SEC14L5: variants seen among roughly 807,000 people sequenced by gnomAD.
The protein encoded by SEC14L5 is SEC14-like protein 5.
A neutral mutation model predicts 84.6 loss-of-function variants in SEC14L5; 96 were observed. The ratio of observed to expected loss-of-function variants is 1.13; its 90% CI spans 0.96 to 1.34. The LOEUF (loss-of-function observed/expected upper bound fraction) is 1.34. SEC14L5 is among the 40% of genes most tolerant of loss of function. SEC14L5 has a pLI of 0.00. For synonymous variants in SEC14L5, 546 were observed against 383.4 expected, an observed-to-expected ratio of 1.42 and a Z score of -4.95; for missense variants, 1,224 against 942.5, an observed-to-expected ratio of 1.30 and a Z score of -3.91.
intron 12 of SEC14L5, 95 bp from the exon 13 acceptor site, chr16:5,007,257 G>A (rs1027931863): frequency 8.5e-7 from 1 of 1,174,484 alleles, no homozygotes; most frequent in Non-Finnish European, 1.2e-6. Flanking sequence ...TTGCAATTAT[G>A]AGTGGCTTTG....
chr16:4,963,678 G>C (rs1955157918), intron 2 of SEC14L5, among the ~76,000 whole-genome samples: 1 of 151,130 alleles, frequency 6.6e-6, no homozygotes, highest in Non-Finnish European at 1.5e-5. Flanking sequence ...TTTTGAGACA[G>C]AGTCTCGCCC....
intron 4 of SEC14L5, 58 bp from the exon 5 acceptor site, chr16:4,990,709 G>A (rs1955542970): frequency 2.6e-6 from 4 of 1,536,870 alleles, no homozygotes; most frequent in South Asian, 2.5e-5. Context: ...AGAGCCCTAG[G>A]GGAGGGCAGG....
intron 15 of SEC14L5, among the ~76,000 whole-genome samples, chr16:5,013,587 T>A (rs1285583026): frequency 1.7e-5 from 2 of 120,806 alleles, no homozygotes; most frequent in Non-Finnish European, 3.4e-5. Flanking sequence ...GAGACAGGGT[T>A]TCACTCTGTC....
Position 4,985,650 on chromosome 16 carries a change from G to A in SEC14L5, c.64-1907G>A, listed in dbSNP as rs565129073. ...AAAAATCAGTTGGTGATAAACGTAA[G>A]GGCTTATTTCTGGATGCTAAATTCT... On this transcript the variant is annotated intron_variant, in intron 2 of 15. Coordinates refer to ENST00000251170, the MANE Select transcript of SEC14L5 (RefSeq NM_014692.2). Among the ~76,000 whole-genome samples, 304 of 152,186 alleles carry A rather than the reference G, an allele frequency of 2.0e-3. 2 individuals carry two copies. Among genetic ancestry groups the A allele is most frequent in the African/African-American group, 6.7e-3 (278 of 41,512 alleles).
intron 2 of SEC14L5, among the ~76,000 whole-genome samples, chr16:4,963,676 C>G (rs1158074138): frequency 2.0e-5 from 3 of 150,982 alleles, no homozygotes; most frequent in Non-Finnish European, 4.4e-5. Context: ...CTTTTTGAGA[C>G]AGAGTCTCGC....
At chr16:4,998,582 C>CAA (rs1457594908) in intron 8 of SEC14L5, among the ~76,000 whole-genome samples, 1 of 149,002 alleles carries the variant, frequency 6.7e-6, no homozygotes, top group Admixed American at 6.7e-5. Flanking sequence ...ACTAAAAATA[C>CAA]AAAAAATTAG....
At chr16:4,975,348 CTGT>C (rs1455464775) in intron 2 of SEC14L5, among the ~76,000 whole-genome samples, 2 of 151,550 alleles carry the variant, frequency 1.3e-5, no homozygotes, top group Non-Finnish European at 2.9e-5. Flanking sequence ...TGGTGGGCGC[CTGT>C]AGTCCCAGCT....
Position 4,996,443 on chromosome 16 carries a change from G to C in SEC14L5, c.763G>C (p.Glu255Gln), listed in dbSNP as rs1419567466. The change falls in exon 7 of 16, where the codon GAG becomes CAG. Residue 255 changes from glutamate (E) to glutamine (Q), a missense_variant. Coordinates refer to ENST00000251170, the MANE Select transcript of SEC14L5 (RefSeq NM_014692.2). ...CLIQLRHWLQ[E>Q]THKGKIPKDE... ...GATCCAGCTTCGGCACTGGTTACAG[G>C]AGACCCACAAAGGCAAGGTGGGTGC... is the stretch of plus-strand genomic sequence containing the variant. The C allele has an allele frequency of 3.2e-6, 5 of 1,568,634 alleles. No homozygotes were observed. The highest frequency in any genetic ancestry group is 3.5e-6 in the Non-Finnish European group (4 of 1,157,352).
chr16:4,968,278 C>T (rs943342838), intron 2 of SEC14L5, among the ~76,000 whole-genome samples: 1 of 151,936 alleles, frequency 6.6e-6, no homozygotes, highest in African/African-American at 2.4e-5. Flanking sequence ...CTCCCGGGTT[C>T]AAGCAATTCT....
chr16:4,988,754 A>G (rs1280029397), intron 4 of SEC14L5, among the ~76,000 whole-genome samples: 3 of 152,198 alleles, frequency 2.0e-5, no homozygotes, highest in Admixed American at 6.5e-5. Context: ...GTTACCTTTG[A>G]CTATAATTAA....
intron 15 of SEC14L5, among the ~76,000 whole-genome samples, chr16:5,014,106 C>G (rs541242395): frequency 6.6e-6 from 1 of 152,232 alleles, no homozygotes; most frequent in Admixed American, 6.5e-5. Context: ...CTGCTAGTCA[C>G]CTGCAGCAAT....
chr16:4,980,424 G>C (rs559754478), intron 2 of SEC14L5, among the ~76,000 whole-genome samples: 2 of 152,098 alleles, frequency 1.3e-5, no homozygotes, highest in Non-Finnish European at 2.9e-5. Flanking sequence ...GCTCCAGACC[G>C]GGCCTTTCTA....
Position 5,018,494 on chromosome 16 carries a change from C to T in SEC14L5, c.*3524C>T, listed in dbSNP as rs1192581426. On this transcript the variant is annotated 3_prime_UTR_variant, in exon 16 of 16. Coordinates refer to ENST00000251170, the MANE Select transcript of SEC14L5 (RefSeq NM_014692.2). ...CCAGCCTGGGCAACATAGTGAGACC[C>T]TGTCTCTACAAAAAATTAAAAAATG... 7 of 152,178 alleles carry T rather than the reference C, an allele frequency of 4.6e-5. No individual in the cohort carries two copies. The highest frequency in any genetic ancestry group is 1.7e-4 in the African/African-American group (7 of 41,410). The allele number at this position is 152,178 out of a possible 1,614,324, so 9.4% of individuals were successfully genotyped here.
chr16:4,997,406 C>T lies in SEC14L5; in HGVS notation c.970+362C>T, dbSNP rs182590395. ...TGAGCCACCGCACCCGGCCCAAATGCCCTTTAAATGCCATGCTTCATGCTA... is the reference window on the plus strand; with the variant it reads ...TGAGCCACCGCACCCGGCCCAAATGTCCTTTAAATGCCATGCTTCATGCTA... On this transcript the variant is annotated intron_variant, in intron 8 of 15. Coordinates refer to ENST00000251170, the MANE Select transcript of SEC14L5 (RefSeq NM_014692.2). Among the ~76,000 whole-genome samples the T allele has an allele frequency of 5.9e-3, 895 of 152,284 alleles. 2 individuals carry two copies. The highest frequency in any genetic ancestry group is 9.7e-3 in the Non-Finnish European group (663 of 68,020).
intron 14 of SEC14L5, 60 bp from the exon 15 acceptor site, chr16:5,011,035 G>C: frequency 6.7e-7 from 1 of 1,494,434 alleles, no homozygotes; most frequent in South Asian, 1.3e-5. Flanking sequence ...TGAAGGCTCA[G>C]CCTCCTTGAC....
chr16:4,973,725 C>G (rs1010525909), intron 2 of SEC14L5, among the ~76,000 whole-genome samples: 3 of 131,810 alleles, frequency 2.3e-5, no homozygotes, highest in Non-Finnish European at 3.1e-5. Context: ...CTCTGCTGTT[C>G]AGGCTGGAAT....
In SEC14L5 at chr16:5,003,559, G is replaced by T. The variant is rs189059128; in HGVS notation, c.1288G>T (p.Val430Leu). The change falls in exon 11 of 16, where the codon GTG becomes TTG. Residue 430 changes from valine to leucine, a missense_variant. By Grantham distance (32) the Val-to-Leu change is conservative. Coordinates refer to ENST00000251170, the MANE Select transcript of SEC14L5 (RefSeq NM_014692.2). The part of the protein sequence containing the change: ...LIVRAPRVFP[V>L]LWTLISPFIN... ...CGTGCGAGCCCCCCGAGTCTTCCCC[G>T]TGCTCTGGACACTGGTAAGAGCTGG... 3.3e-6 allele frequency: 5 copies of T among 1,509,834 alleles called. No individual in the cohort carries two copies. The highest frequency in any genetic ancestry group is 1.8e-5 in the Admixed American group (1 of 55,608). The allele number at this position is 1,509,834 out of a possible 1,614,324, so 93.5% of individuals were successfully genotyped here.
chr16:4,973,652 T>A (rs1460394936), intron 2 of SEC14L5, among the ~76,000 whole-genome samples: 3 of 151,674 alleles, frequency 2.0e-5, no homozygotes, highest in Non-Finnish European at 4.4e-5. Context: ...GAAGGCCATG[T>A]CTTATGTGAT....
chr16:4,959,880 C>G (rs1955098220), intron 2 of SEC14L5, among the ~76,000 whole-genome samples: 1 of 151,392 alleles, frequency 6.6e-6, no homozygotes, highest in South Asian at 2.1e-4. Flanking sequence ...TGTATCTACG[C>G]AGAGGTGGAG....
Sources: allele counts gnomAD v4.1 joint callset (sites outside exome capture counted in the v4.1 genomes callset), GRCh38; gene constraint gnomAD v4.1.1; transcripts MANE v1.5; gene names NCBI Gene and HGNC (gene_info 2026-07-23, HGNC 2026-07-21).